CUX1: variants seen among roughly 807,000 people sequenced by gnomAD.
CUX1 encodes the protein protein CASP.
CUX1 carries 31 observed loss-of-function variants against 158.8 expected under a neutral mutation model. The observed-to-expected ratio is 0.20, with a 90% CI of 0.15 to 0.26. The LOEUF (loss-of-function observed/expected upper bound fraction) is 0.26. CUX1 is among the 10% of genes least tolerant of loss of function. The pLI, the probability that CUX1 is intolerant of heterozygous loss-of-function variation, is 1.00. For missense variants in CUX1, 1,589 were observed against 2,014.6 expected (o/e 0.79, Z 4.04); for synonymous variants, 879 against 862.1 (o/e 1.02, Z -0.34).
At chr7:102,081,037 C>T (rs1427248979) in intron 4 of CUX1, among the ~76,000 whole-genome samples, 1 of 152,188 alleles carries the variant, frequency 6.6e-6, no homozygotes, top group Admixed American at 6.5e-5. Context: ...CACTTCGCTA[C>T]TCCCCATCAC....
At chr7:102,277,051 GCA>G (rs1397843685) in intron 17 of CUX1, among the ~76,000 whole-genome samples, 19 of 152,138 alleles carry the variant, frequency 1.2e-4, no homozygotes, top group Admixed American at 4.6e-4. Context: ...TGTAATCCCA[GCA>G]CATTGGGAGG....
intron 2 of CUX1, among the ~76,000 whole-genome samples, chr7:101,927,514 C>T (rs1043474964): frequency 6.6e-6 from 1 of 152,044 alleles, no homozygotes; most frequent in African/African-American, 2.4e-5. Flanking sequence ...AAGAAATTAG[C>T]CGGGCGTGGT....
chr7:102,034,529 C>T (rs1433067340), intron 3 of CUX1, among the ~76,000 whole-genome samples: 4 of 151,846 alleles, frequency 2.6e-5, no homozygotes, highest in East Asian at 1.9e-4. Context: ...CCGAGGTGGG[C>T]GGATCACAAG....
At chr7:101,898,834 G>A (rs1407657575) in intron 1 of CUX1, among the ~76,000 whole-genome samples, 1 of 152,174 alleles carries the variant, frequency 6.6e-6, no homozygotes, top group Non-Finnish European at 1.5e-5. Flanking sequence ...CAGGTGATCT[G>A]CCTGCTTCGG....
intron 23 of CUX1, 118 bp downstream of exon 23, chr7:102,239,702 C>T (rs1311128523): frequency 1.4e-5 from 17 of 1,181,486 alleles, no homozygotes; most frequent in Non-Finnish European, 2.0e-5. Flanking sequence ...GCTGGGAGCT[C>T]GGTGATTGGT....
chr7:102,035,157 C>G (rs146834669), intron 3 of CUX1, among the ~76,000 whole-genome samples: 1,839 of 150,510 alleles, frequency 0.012, 11 homozygotes, highest in Non-Finnish European at 0.018. Flanking sequence ...CACTGTACTG[C>G]AAATCTTAGC....
rs377707303 is a variant in CUX1 at position 102,077,798 on chromosome 7, C to G, written c.268+7381C>G. Among the ~76,000 whole-genome samples the G allele has an allele frequency of 3.2e-4, 48 of 151,924 alleles. 2 individuals carry two copies. The East Asian group carries it at 3.3e-3, about 10-fold the overall frequency. On this transcript the variant is annotated intron_variant, in intron 4 of 23. Transcript: ENST00000292535. ...AGCTGGAATTTTACTGAGTTCTAAGCAAAATTATGACAGTATGCATAATTC... is the reference window on the plus strand; with the variant it reads ...AGCTGGAATTTTACTGAGTTCTAAGGAAAATTATGACAGTATGCATAATTC...
upstream of CUX1, among the ~76,000 whole-genome samples, chr7:101,816,756 C>CCGGCGG (rs1171238328): frequency 1.0e-4 from 15 of 143,024 alleles, no homozygotes; most frequent in East Asian, 4.2e-4. Context: ...AGAGCGGCCA[C>CCGGCGG]CGGCGGCGGC....
intron 12 of CUX1, among the ~76,000 whole-genome samples, chr7:102,191,326 C>T (rs943999975): frequency 3.3e-5 from 5 of 152,160 alleles, no homozygotes; most frequent in South Asian, 2.1e-4. Flanking sequence ...CTCCGCCTCC[C>T]GAGTTCAAGC....
chr7:102,248,493 G>T lies in CUX1; in HGVS notation c.3969G>T (p.Ser1323=). 6.4e-7 allele frequency: 1 copy of T among 1,571,414 alleles called. No homozygotes were observed. The highest frequency in any genetic ancestry group is 2.3e-5 in the East Asian group (1 of 42,924). The change falls in exon 24 of 24, where the codon TCG becomes TCT. Residue 1323 remains serine (S), a synonymous_variant. Transcript: ENST00000292535. This position sits in a 1 kb window ranked among gnomAD's most constrained non-coding sequence, Gnocchi z 5.8. ...AGGCGGGCGCCAGCGACTCACCCTC[G>T]GCCCGCAGCGGCCGGGCGGCGCCCA... ...QGQAGASDSP[S]ARSGRAAPSS... is the part of the protein sequence containing the mutation.
At position 102,189,395 on chromosome 7, in the gene CUX1, TAA is replaced by T. The variant is rs781927755; in HGVS notation, c.1018-409_1018-408del. On this transcript the variant is annotated intron_variant, in intron 11 of 23. Coordinates refer to ENST00000292535, the MANE Select transcript of CUX1 (RefSeq NM_181552.4). The stretch of plus-strand genomic sequence containing the variant: ...GGGGATGCTTTTTTTTTTTTTTTTT[TAA>T]AAAAAAAAGAGGTAGGGTCTCCACT... Among the ~76,000 whole-genome samples the T allele has an allele frequency of 3.8e-3, 415 of 108,754 alleles. 5 individuals are homozygous for T. The highest frequency in any genetic ancestry group is 0.012 in the African/African-American group (306 of 26,100). The allele number at this position is 108,754 out of a possible 152,430, so 71.3% of individuals were successfully genotyped here. A position where few individuals can be genotyped will look rare whatever the true frequency, so the allele number is the denominator to read the frequency against.
At chr7:101,996,374 A>G (rs1176972989) in intron 2 of CUX1, among the ~76,000 whole-genome samples, 1 of 151,410 alleles carries the variant, frequency 6.6e-6, no homozygotes, top group Admixed American at 6.6e-5. Flanking sequence ...GAACCCCCCA[A>G]CCCGCTGACC....
chr7:102,022,901 G>A (rs1011109388), intron 2 of CUX1, among the ~76,000 whole-genome samples: 11 of 152,186 alleles, frequency 7.2e-5, no homozygotes, highest in Admixed American at 3.3e-4. Context: ...AGTGTGTAAC[G>A]TGTAACTTGA....
intron 9 of CUX1, among the ~76,000 whole-genome samples, chr7:102,167,426 C>T (rs149956602): frequency 2.0e-5 from 3 of 152,246 alleles, no homozygotes; most frequent in Admixed American, 6.5e-5. Context: ...TGTAGGCTCC[C>T]GGGGACACCT....
Position 102,255,210 on chromosome 7 carries a change from C to CCT in CUX1, c.*6172_*6173dup. ...CAAAAACTGCCTCCTCCTGCCCAGG[C>CCT]CTCTCCCACCACCACCTTCCCTCCA... is the stretch of plus-strand genomic sequence containing the variant. On this transcript the variant is annotated 3_prime_UTR_variant, in exon 24 of 24. Transcript: ENST00000292535. 1 of 985,488 alleles carries CCT rather than the reference C, an allele frequency of 1.0e-6. No individual in the cohort carries two copies. Among genetic ancestry groups the CCT allele is most frequent in the Non-Finnish European group, 1.2e-6 (1 of 829,982 alleles). The allele number at this position is 985,488 out of a possible 1,614,324, so 61.0% of individuals were successfully genotyped here.
chr7:101,942,282 G>A (rs1807819106), intron 2 of CUX1, among the ~76,000 whole-genome samples: 1 of 152,180 alleles, frequency 6.6e-6, no homozygotes, highest in Non-Finnish European at 1.5e-5. Flanking sequence ...CAGACACATT[G>A]GGTCATAGGT....
intron 8 of CUX1, among the ~76,000 whole-genome samples, chr7:102,142,871 A>G (rs1318231681): frequency 6.6e-6 from 1 of 151,970 alleles, no homozygotes; most frequent in African/African-American, 2.4e-5. Context: ...GCAGTGAGCC[A>G]TGGTCAAACC....
At chr7:102,021,729 G>C (rs538962277) in intron 2 of CUX1, among the ~76,000 whole-genome samples, 1 of 145,496 alleles carries the variant, frequency 6.9e-6, no homozygotes, top group African/African-American at 2.6e-5. Flanking sequence ...ACCTAATTTC[G>C]TATTTTTTGT....
At chr7:101,888,481 C>T (rs983628649) in intron 1 of CUX1, among the ~76,000 whole-genome samples, 1 of 152,164 alleles carries the variant, frequency 6.6e-6, no homozygotes, top group Non-Finnish European at 1.5e-5. Context: ...TTGGTTTATT[C>T]TGTTTCTCCA....
Sources: allele counts gnomAD v4.1 joint callset (sites outside exome capture counted in the v4.1 genomes callset), GRCh38; gene constraint gnomAD v4.1.1; non-coding constraint Gnocchi (gnomAD v3.1); transcripts MANE v1.5; gene names NCBI Gene and HGNC (gene_info 2026-07-23, HGNC 2026-07-21).